Variants in PRR16 observed in about 807,000 individuals in gnomAD.
PRR16 encodes proline rich 16.
PRR16 carries 6 observed loss-of-function variants against 18.2 expected under a neutral mutation model. That is an observed-to-expected ratio of 0.33 (90% CI 0.18 to 0.65). PRR16 has a LOEUF of 0.65. Ranked by LOEUF, PRR16 falls within the 30% of genes least tolerant of loss-of-function variation. PRR16 has a pLI of 0.74. For missense variants in PRR16, 412 were observed against 376.6 expected, an observed-to-expected ratio of 1.09 and a Z score of -0.78; for synonymous variants, 151 against 147.8, an observed-to-expected ratio of 1.02 and a Z score of -0.16.
At chr5:120,672,207 G>C (rs1381813040) in intron 1 of PRR16, among the ~76,000 whole-genome samples, 3 of 151,246 alleles carry the variant, frequency 2.0e-5, no homozygotes, top group Admixed American at 2.0e-4. Context: ...AGGAGATACA[G>C]GGGCTAATTC....
intron 1 of PRR16, among the ~76,000 whole-genome samples, chr5:120,526,929 C>G (rs181853224): frequency 1.3e-5 from 2 of 152,202 alleles, no homozygotes; most frequent in East Asian, 1.9e-4. Flanking sequence ...TTGTTGTTGA[C>G]TATAGTGGCA....
the PRR16 span, among the ~76,000 whole-genome samples, chr5:120,785,160 C>T: frequency 6.6e-6 from 1 of 152,140 alleles, no homozygotes; most frequent in African/African-American, 2.4e-5. Flanking sequence ...CAAAGCTTGC[C>T]AGTAAGGCAG....
At chr5:120,662,347 T>C (rs193102395) in intron 1 of PRR16, among the ~76,000 whole-genome samples, 208 of 152,266 alleles carry the variant, frequency 1.4e-3, no homozygotes, top group African/African-American at 4.4e-3. Context: ...ACAGTGATTA[T>C]GACGATAACT....
chr5:120,637,660 A>T (rs912677500), intron 1 of PRR16, among the ~76,000 whole-genome samples: 23 of 151,962 alleles, frequency 1.5e-4, no homozygotes, highest in Admixed American at 3.9e-4. Flanking sequence ...AGGGTGAGGG[A>T]TGGCAAGAGA....
chr5:120,561,388 A>G (rs1026112573), intron 1 of PRR16, among the ~76,000 whole-genome samples: 8 of 151,894 alleles, frequency 5.3e-5, no homozygotes, highest in African/African-American at 9.7e-5. Context: ...GTCATTCATG[A>G]GTGTATTGTT....
the PRR16 span, among the ~76,000 whole-genome samples, chr5:120,736,146 T>C: frequency 2.0e-5 from 3 of 152,366 alleles, no homozygotes; most frequent in Non-Finnish European, 2.9e-5. Flanking sequence ...GTTTTAATTA[T>C]GGGCTGTTGA....
At chr5:120,714,774 T>C in the PRR16 span, among the ~76,000 whole-genome samples, 2 of 151,994 alleles carry the variant, frequency 1.3e-5, no homozygotes, top group Admixed American at 1.3e-4. Flanking sequence ...ATAAAGAAAA[T>C]GTGGCACATA....
chr5:120,695,316 A>T, the PRR16 span, among the ~76,000 whole-genome samples: 1 of 152,182 alleles, frequency 6.6e-6, no homozygotes, highest in Non-Finnish European at 1.5e-5. Context: ...TTATTAGAGA[A>T]TTAATATTAA....
At chr5:120,567,228 C>T (rs1460719854) in intron 1 of PRR16, among the ~76,000 whole-genome samples, 1 of 152,070 alleles carries the variant, frequency 6.6e-6, no homozygotes. Context: ...AAAATGCATG[C>T]CCAGTCTATG....
At chr5:120,643,792 G>A (rs1376359113) in intron 1 of PRR16, among the ~76,000 whole-genome samples, 2 of 152,026 alleles carry the variant, frequency 1.3e-5, no homozygotes, top group Non-Finnish European at 2.9e-5. Context: ...ATAATTTGAG[G>A]TCAGGAGATC....
chr5:120,511,620 A>G (rs2112857531), intron 1 of PRR16, among the ~76,000 whole-genome samples: 1 of 152,312 alleles, frequency 6.6e-6, no homozygotes. Context: ...TTAATTCAGT[A>G]TTTAAAGAAC....
At chr5:120,486,082 C>T (rs561039725) in intron 1 of PRR16, among the ~76,000 whole-genome samples, 26 of 152,226 alleles carry the variant, frequency 1.7e-4, no homozygotes, top group Admixed American at 1.6e-3. Flanking sequence ...CAAGTCTTTG[C>T]TATTGTGAAT....
At chr5:120,687,446 A>G (rs1412844429), downstream of PRR16, 2 of 151,468 alleles carry the variant, frequency 1.3e-5, no homozygotes, top group Non-Finnish European at 2.9e-5. Context: ...ATGAAATATC[A>G]TATTCCACAT....
chr5:120,508,450 T>A (rs1750715891), intron 1 of PRR16, among the ~76,000 whole-genome samples: 1 of 152,140 alleles, frequency 6.6e-6, no homozygotes, highest in Non-Finnish European at 1.5e-5. Context: ...TGATGACAAT[T>A]TAATCTCTGT....
intron 1 of PRR16, among the ~76,000 whole-genome samples, chr5:120,500,720 G>T (rs769051388): frequency 3.9e-5 from 6 of 152,068 alleles, no homozygotes; most frequent in African/African-American, 4.8e-5. Context: ...TTGATATCCT[G>T]TCAGTATCAC....
At chr5:120,528,832 A>T (rs1382106585) in intron 1 of PRR16, among the ~76,000 whole-genome samples, 1 of 152,196 alleles carries the variant, frequency 6.6e-6, no homozygotes, top group African/African-American at 2.4e-5. Context: ...ACTGATGAGG[A>T]GTACAAGAGA....
intron 1 of PRR16, among the ~76,000 whole-genome samples, chr5:120,632,609 G>A (rs936707486): frequency 4.6e-5 from 7 of 152,062 alleles, no homozygotes; most frequent in Admixed American, 6.6e-5. Flanking sequence ...CAATAGACTC[G>A]AAGAAGCGGA....
chr5:120,760,899 C>T, the PRR16 span, among the ~76,000 whole-genome samples: 3 of 152,046 alleles, frequency 2.0e-5, no homozygotes, highest in African/African-American at 4.8e-5. Context: ...CCTTTCCTTG[C>T]CTTGCTTCCT....
At chr5:120,503,886 A>G (rs13359288) in intron 1 of PRR16, among the ~76,000 whole-genome samples, 40,061 of 150,506 alleles carry the variant, frequency 0.27, 6,392 homozygotes, top group African/African-American at 0.46. Flanking sequence ...GAGAACATGC[A>G]GTGTTTGGTT....
Sources: allele counts gnomAD v4.1 joint callset (sites outside exome capture counted in the v4.1 genomes callset), GRCh38; gene constraint gnomAD v4.1.1; transcripts MANE v1.5; gene names NCBI Gene and HGNC (gene_info 2026-07-23, HGNC 2026-07-21).